Variants in MPPE1 observed in about 807,000 individuals in gnomAD.
The protein encoded by MPPE1 is metallophosphoesterase 1.
In MPPE1, 28 loss-of-function variants were observed where a neutral mutation model predicts 43.8. That is an observed-to-expected ratio of 0.64 (90% CI 0.47 to 0.88). The LOEUF is 0.88. MPPE1 is among the 40% of genes least tolerant of loss of function. MPPE1 has a pLI of 0.00. For missense variants in MPPE1, 428 were observed against 492.2 expected (o/e 0.87, Z 1.23); for synonymous variants, 159 against 188.5 (o/e 0.84, Z 1.28).
intron 3 of MPPE1, among the ~76,000 whole-genome samples, chr18:11,894,919 C>T (rs2038429001): frequency 6.6e-6 from 1 of 152,192 alleles, no homozygotes; most frequent in Admixed American, 6.5e-5. Flanking sequence ...TTAAACCCTA[C>T]TTGCACAGGA....
intron 1 of MPPE1, chr18:11,907,935 T>G (rs2039880503): frequency 6.6e-6 from 1 of 152,198 alleles, no homozygotes; most frequent in Non-Finnish European, 1.5e-5. Flanking sequence ...AATATATTAA[T>G]TGCAATCTCA....
At chr18:11,902,074 C>T (rs745627603) in intron 2 of MPPE1, among the ~76,000 whole-genome samples, 1 of 152,200 alleles carries the variant, frequency 6.6e-6, no homozygotes, top group Non-Finnish European at 1.5e-5. Flanking sequence ...GCCGCATAAT[C>T]GCAGTCACAA....
chr18:11,892,479 G>A (rs1291558906), intron 4 of MPPE1, among the ~76,000 whole-genome samples: 1 of 152,004 alleles, frequency 6.6e-6, no homozygotes, highest in African/African-American at 2.4e-5. Context: ...AGACCAGCCT[G>A]ACCAACATGG....
intron 3 of MPPE1, among the ~76,000 whole-genome samples, chr18:11,896,550 A>G (rs1297979250): frequency 6.6e-6 from 1 of 152,176 alleles, no homozygotes; most frequent in East Asian, 1.9e-4. Flanking sequence ...GGAGGCTGAA[A>G]CCCAATAGGC....
At chr18:11,893,788 C>G (rs2038270067) in intron 3 of MPPE1, among the ~76,000 whole-genome samples, 1 of 152,140 alleles carries the variant, frequency 6.6e-6, no homozygotes, top group Admixed American at 6.5e-5. Context: ...TCCGGCCATC[C>G]CTTCCACACA....
chr18:11,889,974 G>A (rs1436166895), intron 4 of MPPE1, among the ~76,000 whole-genome samples: 2 of 149,764 alleles, frequency 1.3e-5, no homozygotes, highest in Admixed American at 6.7e-5. Flanking sequence ...ATGGAGTCTC[G>A]CTCTGTTGCC....
At chr18:11,885,847 G>T in intron 9 of MPPE1, 31 bp from the exon 10 acceptor site, 1 of 1,577,132 alleles carries the variant, frequency 6.3e-7, no homozygotes, top group Non-Finnish European at 8.7e-7. Context: ...AGCAAAGCAG[G>T]CTGTTAGCTC....
intron 4 of MPPE1, among the ~76,000 whole-genome samples, chr18:11,891,697 C>G (rs1567944144): frequency 1.3e-5 from 2 of 152,158 alleles, no homozygotes; most frequent in East Asian, 3.9e-4. Flanking sequence ...AACTCTGAAA[C>G]AAGACTTCTC....
chr18:11,894,875 G>A (rs1469283396), intron 3 of MPPE1, among the ~76,000 whole-genome samples: 3 of 152,172 alleles, frequency 2.0e-5, no homozygotes, highest in African/African-American at 7.2e-5. Flanking sequence ...ACAGGCATGA[G>A]CCACCACACC....
chr18:11,891,228 C>G (rs1024570780), intron 4 of MPPE1: 10 of 152,198 alleles, frequency 6.6e-5, no homozygotes, highest in African/African-American at 2.4e-4. Context: ...AATCCCAGCA[C>G]TTTGGGAGGC....
intron 10 of MPPE1, 38 bp downstream of exon 10, chr18:11,885,638 T>G: frequency 6.9e-6 from 11 of 1,593,284 alleles, no homozygotes; most frequent in Non-Finnish European, 9.4e-6. Context: ...TTTAAATACT[T>G]ATGAAAGCTT....
In MPPE1 at chr18:11,907,655, CT is replaced by C. The variant is rs3048186; in HGVS notation, c.-200+545del. On this transcript the variant is annotated intron_variant, in intron 1 of 10. Transcript: ENST00000588072. ...TTCAGGTGCGTGCCACTACACCTGG[CT>C]TTTTTTTTTTTTTTTTTTGGTACTT... 8.4e-3 allele frequency among the ~76,000 whole-genome samples: 953 copies of C among 113,012 alleles called. 5 individuals carry two copies. The highest frequency in any genetic ancestry group is 0.029 in the African/African-American group (865 of 30,242). The allele number at this position is 113,012 out of a possible 152,430, so 74.1% of individuals were successfully genotyped here.
chr18:11,890,414 A>AT (rs1239218751), intron 4 of MPPE1, among the ~76,000 whole-genome samples: 1 of 152,054 alleles, frequency 6.6e-6, no homozygotes, highest in Non-Finnish European at 1.5e-5. Context: ...TGTTCAAGTG[A>AT]TTCTTATGCC....
At chr18:11,897,585 C>A in intron 2 of MPPE1, 1 of 218,026 alleles carries the variant, frequency 4.6e-6, no homozygotes, top group Non-Finnish European at 9.0e-6. Flanking sequence ...TATTAGAATG[C>A]TTTTCTCACC....
In MPPE1 at chr18:11,886,395, G is replaced by T; in HGVS notation, c.867+104C>A. On this transcript the variant is annotated intron_variant, in intron 9 of 10. Transcript: ENST00000588072. This position sits in a 1 kb window ranked among gnomAD's most constrained non-coding sequence, Gnocchi z 4.1. ...CCCAGGTGATAACTAAGTCATGAAC[G>T]TTTCAGCAAACACCTGCTCTAGCCT... 1.3e-6 allele frequency: 2 copies of T among 1,534,426 alleles called. No individual in the cohort carries two copies. Among genetic ancestry groups the T allele is most frequent in the Non-Finnish European group, 1.8e-6 (2 of 1,114,704 alleles).
At chr18:11,905,954 C>T (rs8097892) in intron 2 of MPPE1, 67,354 of 151,958 alleles carry the variant, frequency 0.44, 15,466 homozygotes, top group Admixed American at 0.62. Context: ...CTCAGTGCTT[C>T]TGTGAGGATA....
At chr18:11,890,436 AG>A (rs1317894865) in intron 4 of MPPE1, among the ~76,000 whole-genome samples, 2 of 152,162 alleles carry the variant, frequency 1.3e-5, no homozygotes, top group East Asian at 3.9e-4. Flanking sequence ...CAGTCACCTG[AG>A]TAGCTGGGAT....
intron 6 of MPPE1, among the ~76,000 whole-genome samples, chr18:11,887,706 CA>C (rs1457124387): frequency 6.6e-6 from 1 of 152,162 alleles, no homozygotes; most frequent in Non-Finnish European, 1.5e-5. Flanking sequence ...AAGTACCTGT[CA>C]GTAAAGACTG....
At chr18:11,887,656 C>T (rs2144195547) in intron 6 of MPPE1, among the ~76,000 whole-genome samples, 1 of 152,236 alleles carries the variant, frequency 6.6e-6, no homozygotes, top group East Asian at 1.9e-4. Flanking sequence ...CCACTAAATA[C>T]GGTTTTATCT....
Sources: gnomAD v4.1 joint callset for allele counts (sites outside exome capture counted in the v4.1 genomes callset) on GRCh38, gnomAD v4.1.1 for gene constraint, Gnocchi (gnomAD v3.1) non-coding constraint, MANE v1.5 for transcripts, NCBI Gene and HGNC (gene_info 2026-07-23, HGNC 2026-07-21) for gene names.